Variants in LRP4 observed in about 807,000 individuals in gnomAD.
LRP4 encodes low-density lipoprotein receptor-related protein 4.
A neutral mutation model predicts 220.3 loss-of-function variants in LRP4; 95 were observed. The ratio of observed to expected loss-of-function variants is 0.43; its 90% CI spans 0.37 to 0.51. The LOEUF is 0.51. LRP4 is among the 20% of genes least tolerant of loss of function. LRP4 has a pLI of 0.00. For synonymous variants in LRP4, 903 were observed against 954.6 expected (o/e 0.95, Z 1.00); for missense variants, 1,925 against 2,567.0 (o/e 0.75, Z 5.40).
chr11:46,900,360 G>A lies in LRP4; in HGVS notation c.218C>T (p.Pro73Leu), dbSNP rs1941642308. ...GCCATTGTCACAGTGAAAGTCAAGA[G>A]GGGAACAGGTAGGTAGTACTGAATC... Reference protein sequence around the residue: ...EDGCILPTCSPLDFHCDNGKC... With the variant: ...EDGCILPTCSLLDFHCDNGKC... Residue 73 changes from proline (P) to leucine (L), a missense_variant, in exon 3 of 38, where the codon CCT becomes CTT. By Grantham distance (98) the Pro-to-Leu change is moderately conservative. Around this residue, in one of 3 missense-constraint regions of LRP4, gnomAD observed 412 missense variants for 505.4 expected, o/e 0.82. Coordinates refer to ENST00000378623, the MANE Select transcript of LRP4 (RefSeq NM_002334.4). The A allele has an allele frequency of 6.2e-7, 1 of 1,612,154 alleles. No homozygotes were observed. Among genetic ancestry groups the A allele is most frequent in the Non-Finnish European group, 8.5e-7 (1 of 1,178,190 alleles).
rs368124164 is a variant in LRP4 at position 46,868,645 on chromosome 11, C to G, written c.4906G>C (p.Val1636Leu). Reference sequence around the variant, plus strand: ...TCAGGTTCGTCAGGACAGGCACATACGAAGTCCGAGGCTCTGGCAAAGCAG... The same window carrying G: ...TCAGGTTCGTCAGGACAGGCACATAGGAAGTCCGAGGCTCTGGCAAAGCAG... ...HLCFARASDF[V>L]CACPDEPDSR... The change falls in exon 33 of 38, where the codon GTA becomes CTA. Residue 1636 changes from valine (V) to leucine (L), a missense_variant. Coordinates refer to ENST00000378623, the MANE Select transcript of LRP4 (RefSeq NM_002334.4). The G allele has an allele frequency of 6.2e-7, 1 of 1,614,156 alleles. No individual in the cohort carries two copies. The highest frequency in any genetic ancestry group is 1.1e-5 in the South Asian group (1 of 91,080).
chr11:46,913,322 GC>G (rs1402173942), intron 1 of LRP4, among the ~76,000 whole-genome samples: 2 of 152,160 alleles, frequency 1.3e-5, no homozygotes, highest in Admixed American at 1.3e-4. Context: ...TAGAGAATTG[GC>G]TCTTTTTAAC....
At chr11:46,872,792 A>G (rs190252491) in intron 30 of LRP4, among the ~76,000 whole-genome samples, 4 of 152,308 alleles carry the variant, frequency 2.6e-5, no homozygotes, top group African/African-American at 9.6e-5. Context: ...TTGTTATATT[A>G]TAACAAATAT....
intron 32 of LRP4, 24 bp from the exon 33 acceptor site, chr11:46,868,737 C>A: frequency 6.6e-7 from 1 of 1,518,936 alleles, no homozygotes; most frequent in Non-Finnish European, 9.1e-7. Context: ...AGATGAATGT[C>A]TTATCTGGGA....
chr11:46,892,679 C>G (rs979645473), intron 13 of LRP4, among the ~76,000 whole-genome samples: 1 of 151,444 alleles, frequency 6.6e-6, no homozygotes, highest in Non-Finnish European at 1.5e-5. Context: ...TCAAACAACT[C>G]TCCTGCCTCA....
In LRP4 at chr11:46,899,120, C is replaced by G. The variant is rs964666945; in HGVS notation, c.548-88G>C. On this transcript the variant is annotated intron_variant, in intron 5 of 37. Coordinates refer to ENST00000378623, the MANE Select transcript of LRP4 (RefSeq NM_002334.4). This position sits in a 1 kb window ranked among gnomAD's most constrained non-coding sequence, Gnocchi z 5.9. ...TGATTCCTCAAGCAGGCAGGATGCTCAGGCAGGAGAGCTTCTTCAAGTGAG... is the reference window on the plus strand; with the variant it reads ...TGATTCCTCAAGCAGGCAGGATGCTGAGGCAGGAGAGCTTCTTCAAGTGAG... The G allele has an allele frequency of 2.3e-6, 3 of 1,310,058 alleles. No homozygotes were observed. The highest frequency in any genetic ancestry group is 3.2e-6 in the Non-Finnish European group (3 of 930,600). 81.2% of individuals were successfully genotyped at this position (1,310,058 alleles called of 1,614,324 possible). A position where few individuals can be genotyped will look rare whatever the true frequency, so the allele number is the denominator to read the frequency against.
In LRP4 at chr11:46,857,213, TG is replaced by T. The variant is rs1486484278; in HGVS notation, c.*1769del. ...GGACCCAAAGTGCTCACTCCTTTAC[TG>T]CTTGTTAAGTGTAATGTGGGGAGGC... On this transcript the variant is annotated 3_prime_UTR_variant, in exon 38 of 38. Transcript: ENST00000378623. 1.3e-5 allele frequency: 2 copies of T among 152,326 alleles called. No individual in the cohort carries two copies. Among genetic ancestry groups the T allele is most frequent in the African/African-American group, 4.8e-5 (2 of 41,448 alleles). The allele number at this position is 152,326 out of a possible 1,614,324, so 9.4% of individuals were successfully genotyped here. A position where few individuals can be genotyped will look rare whatever the true frequency, so the allele number is the denominator to read the frequency against.
At chr11:46,879,412 C>G in intron 20 of LRP4, 97 bp from the exon 21 acceptor site, 4 of 1,204,040 alleles carry the variant, frequency 3.3e-6, no homozygotes, top group Non-Finnish European at 4.8e-6. Flanking sequence ...AGCTCTCCCA[C>G]TAACACCTAC....
At chr11:46,888,548 CAAAAAAAA>C (rs71042635) in intron 16 of LRP4, among the ~76,000 whole-genome samples, 359 of 31,328 alleles carry the variant, frequency 0.011, 3 homozygotes, top group African/African-American at 0.025. Context: ...AAAACTGTCT[CAAAAAAAA>C]AAAAAAAAAA....
At chr11:46,892,950 C>T (rs373847724) in intron 13 of LRP4, 23 bp downstream of exon 13, 9 of 1,611,030 alleles carry the variant, frequency 5.6e-6, no homozygotes, top group South Asian at 1.1e-5. Context: ...CAAGAAAGTT[C>T]GGGAGCCTGA....
chr11:46,890,320 C>G lies in LRP4; in HGVS notation c.1872G>C (p.Arg624Ser). 6.2e-7 allele frequency: 1 copy of G among 1,614,126 alleles called. No individual in the cohort carries two copies. The highest frequency in any genetic ancestry group is 1.3e-5 in the African/African-American group (1 of 75,034). Reference sequence around the variant, plus strand: ...TACGGTGACTCCCATCCAGATTGGCCCTCTCGATGACATGGTGCTTAGCAT... The same window carrying G: ...TACGGTGACTCCCATCCAGATTGGCGCTCTCGATGACATGGTGCTTAGCAT... ...WVDAKHHVIE[R>S]ANLDGSHRKA... The change falls in exon 14 of 38, where the codon AGG becomes AGC. Residue 624 changes from arginine (R) to serine (S), a missense_variant. Transcript: ENST00000378623. This position sits in a 1 kb window ranked among gnomAD's most constrained non-coding sequence, Gnocchi z 5.3.
intron 22 of LRP4, among the ~76,000 whole-genome samples, chr11:46,877,991 G>A (rs937459273): frequency 1.3e-5 from 2 of 152,118 alleles, no homozygotes; most frequent in Admixed American, 6.5e-5. Flanking sequence ...GACCCCAGGG[G>A]GCTTTACTCA....
rs534453801 is a variant in LRP4, at chr11:46,916,162, G to A, written c.52+2166C>T. On this transcript the variant is annotated intron_variant, in intron 1 of 37. Transcript: ENST00000378623. ...TTTCCTTAAAAAGAAACCTGGGCCG[G>A]ACACAGTGGCTCACACCTGTAATAC... Among the ~76,000 whole-genome samples, 124 of 152,248 alleles carry A rather than the reference G, an allele frequency of 8.1e-4. 1 individual carries two copies. The highest frequency in any genetic ancestry group is 3.0e-3 in the African/African-American group (123 of 41,528).
intron 31 of LRP4, among the ~76,000 whole-genome samples, 200 bp from the exon 32 acceptor site, chr11:46,869,332 C>T (rs1940797536): frequency 6.6e-6 from 1 of 152,212 alleles, no homozygotes; most frequent in Non-Finnish European, 1.5e-5. Context: ...ATTCTCTCCT[C>T]TATACAGTTC....
intron 31 of LRP4, among the ~76,000 whole-genome samples, chr11:46,869,884 G>A (rs893541353): frequency 2.0e-5 from 3 of 152,084 alleles, no homozygotes; most frequent in Non-Finnish European, 2.9e-5. Context: ...CAAGGTGGGC[G>A]ATCATGAGGT....
At chr11:46,900,482 CTTTT>C (rs1258837347) in intron 2 of LRP4, 104 bp from the exon 3 acceptor site, 17 of 793,910 alleles carry the variant, frequency 2.1e-5, no homozygotes, top group African/African-American at 6.8e-5. Flanking sequence ...GTCTTTTTTT[CTTTT>C]TTTGAGACCG....
rs185778513 is a variant in LRP4 at position 46,863,977 on chromosome 11, A to G, written c.5243+471T>C. Among the ~76,000 whole-genome samples, 428 of 152,324 alleles carry G rather than the reference A, an allele frequency of 2.8e-3. 3 individuals are homozygous for G. The highest frequency in any genetic ancestry group is 0.01 in the African/African-American group (418 of 41,570). ...GAAAATATAAAGAAAGAGGGACATA[A>G]AAAGATTATAAATGACACATTCTAC... On this transcript the variant is annotated intron_variant, in intron 36 of 37. Transcript: ENST00000378623.
rs761338061 is a variant in LRP4, at chr11:46,896,911, C to T, written c.880G>A (p.Asp294Asn). The change falls in exon 8 of 38, where the codon GAC becomes AAC. Residue 294 changes from aspartate to asparagine, a missense_variant. Physicochemically the swap from Asp to Asn is conservative, Grantham distance 23. Around this residue, in one of 3 missense-constraint regions of LRP4, gnomAD observed 412 missense variants for 505.4 expected, o/e 0.82. Transcript: ENST00000378623. ...TCTTCATCGCTGTTGTCTGCACAGT[C>T]GTCCTCCCCATCACAGCGCCAGGAC... ...RLSWRCDGED[D>N]CADNSDEENC... is the part of the protein sequence containing the mutation. 5 of 1,614,234 alleles carry T rather than the reference C, an allele frequency of 3.1e-6. No individual in the cohort carries two copies. Among genetic ancestry groups the T allele is most frequent in the East Asian group, 2.2e-5 (1 of 44,888 alleles).
Position 46,862,672 on chromosome 11 carries a change from T to G in LRP4, c.5319A>C (p.Thr1773=), listed in dbSNP as rs765647853. The change falls in exon 37 of 38, where the codon ACA becomes ACC. Residue 1773 remains threonine (T), a synonymous_variant. Coordinates refer to ENST00000378623, the MANE Select transcript of LRP4 (RefSeq NM_002334.4). ...TYSNPSYRTS[T]QEVKIEAIPK... Reference sequence around the variant, plus strand: ...GGATTGCTTCAATCTTCACTTCCTGTGTGGATGTTCGGTAGGAGGGGTTGC... The same window carrying G: ...GGATTGCTTCAATCTTCACTTCCTGGGTGGATGTTCGGTAGGAGGGGTTGC... The G allele has an allele frequency of 6.2e-7, 1 of 1,613,936 alleles. No individual in the cohort carries two copies. The highest frequency in any genetic ancestry group is 1.1e-5 in the South Asian group (1 of 91,084).
Sources: allele counts gnomAD v4.1 joint callset (sites outside exome capture counted in the v4.1 genomes callset), GRCh38; gene constraint gnomAD v4.1.1; regional missense constraint gnomAD v4.1.1; non-coding constraint Gnocchi (gnomAD v3.1); transcripts MANE v1.5; gene names NCBI Gene and HGNC (gene_info 2026-07-23, HGNC 2026-07-21).